Variants in LRTM3 observed in about 807,000 individuals in gnomAD.
The protein encoded by LRTM3 is leucine-rich repeat transmembrane protein 3.
the LRTM3 span, chr13:102,741,914 T>G: frequency 6.4e-7 from 1 of 1,550,534 alleles, no homozygotes; most frequent in Non-Finnish European, 8.7e-7. Flanking sequence ...TTGGGATATG[T>G]CTTCTGAAAT....
At chr13:102,755,901 ATGTGTGTGTGTG>A in the LRTM3 span, among the ~76,000 whole-genome samples, 4 of 98,842 alleles carry the variant, frequency 4.0e-5, no homozygotes, top group African/African-American at 1.0e-4. Context: ...ACACATATAT[ATGTGTGTGTGTG>A]TGTGTGTGTG....
At chr13:102,751,595 A>C in the LRTM3 span, among the ~76,000 whole-genome samples, 10 of 152,190 alleles carry the variant, frequency 6.6e-5, no homozygotes, top group Admixed American at 3.3e-4. Flanking sequence ...GAGCAAGCCT[A>C]AAATCAAAAA....
the LRTM3 span, among the ~76,000 whole-genome samples, chr13:102,756,360 G>A: frequency 6.6e-6 from 1 of 150,774 alleles, no homozygotes; most frequent in Non-Finnish European, 1.5e-5. Context: ...TTAGCCCAAG[G>A]CCATGCCATC....
chr13:102,730,924 A>G, the LRTM3 span: 1 of 1,551,348 alleles, frequency 6.4e-7, no homozygotes, highest in South Asian at 1.2e-5. Flanking sequence ...CTGTGAAACC[A>G]GGATGAATAC....
At chr13:102,747,302 A>G in the LRTM3 span, 1 of 1,549,486 alleles carries the variant, frequency 6.5e-7, no homozygotes, top group Non-Finnish European at 8.7e-7. Flanking sequence ...ACCTGCTGCA[A>G]TTTTATCTTG....
At chr13:102,736,193 G>C in the LRTM3 span, 2 of 1,548,166 alleles carry the variant, frequency 1.3e-6, no homozygotes, top group Non-Finnish European at 1.7e-6. Context: ...TCTATGGTGA[G>C]AGAGAGAAGG....
chr13:102,748,778 G>A, the LRTM3 span: 1 of 1,550,390 alleles, frequency 6.4e-7, no homozygotes, highest in Non-Finnish European at 8.7e-7. Flanking sequence ...TAAACAAGGT[G>A]CTTTTAGTTG....
chr13:102,737,437 A>C, the LRTM3 span: 2 of 1,550,594 alleles, frequency 1.3e-6, no homozygotes, highest in Non-Finnish European at 1.7e-6. Flanking sequence ...TCTTGTGTCC[A>C]TCCCTTTTCT....
chr13:102,735,850 A>C, the LRTM3 span: 1 of 1,541,718 alleles, frequency 6.5e-7, no homozygotes, highest in African/African-American at 1.4e-5. Flanking sequence ...GGTAAAATGG[A>C]GGAGGAGGGA....
chr13:102,742,400 G>C, the LRTM3 span: 2 of 1,546,544 alleles, frequency 1.3e-6, no homozygotes, highest in Non-Finnish European at 1.7e-6. Flanking sequence ...GATAGTTCCT[G>C]AGACACACAG....
At chr13:102,735,253 A>C in the LRTM3 span, 1 of 1,551,326 alleles carries the variant, frequency 6.4e-7, no homozygotes, top group Non-Finnish European at 8.7e-7. Context: ...TCATATCCGC[A>C]ACTTTTTCTC....
chr13:102,752,055 G>A, the LRTM3 span, among the ~76,000 whole-genome samples: 16 of 151,994 alleles, frequency 1.1e-4, no homozygotes, highest in East Asian at 1.9e-4. Flanking sequence ...CCTCCCTTTC[G>A]CCTTCAACAA....
At chr13:102,744,605 G>T in the LRTM3 span, 1 of 1,550,628 alleles carries the variant, frequency 6.4e-7, no homozygotes, top group Non-Finnish European at 8.7e-7. Context: ...CAAATTCCAA[G>T]ATCTGCCTTC....
At chr13:102,758,736 G>A in the LRTM3 span, 2 of 1,550,228 alleles carry the variant, frequency 1.3e-6, no homozygotes, top group Non-Finnish European at 1.7e-6. Context: ...TTCAGGAAGT[G>A]TGGGCTTCTT....
At chr13:102,746,136 CA>C in the LRTM3 span, 1 of 1,550,964 alleles carries the variant, frequency 6.4e-7, no homozygotes, top group South Asian at 1.2e-5. Flanking sequence ...GTAGTTTGTT[CA>C]AAACCTGTTT....
the LRTM3 span, chr13:102,742,848 G>A: frequency 1.9e-6 from 3 of 1,550,588 alleles, no homozygotes; most frequent in African/African-American, 2.7e-5. Context: ...AAAACAGAAT[G>A]GCCAATGTTC....
At chr13:102,745,952 T>C in the LRTM3 span, 1 of 1,551,198 alleles carries the variant, frequency 6.4e-7, no homozygotes, top group South Asian at 1.2e-5. Context: ...TTTGACAAGC[T>C]CATTATCCTT....
chr13:102,732,487 A>G, the LRTM3 span: 1 of 1,551,130 alleles, frequency 6.4e-7, no homozygotes, highest in Non-Finnish European at 8.7e-7. Flanking sequence ...TGGGAGAAAG[A>G]GGAACATATG....
the LRTM3 span, chr13:102,743,760 T>G: frequency 1.9e-5 from 30 of 1,550,478 alleles, no homozygotes; most frequent in Admixed American, 7.9e-5. Flanking sequence ...GACTCTCTAT[T>G]GATTTTATGT....
Sources: gnomAD v4.1 joint callset for allele counts (sites outside exome capture counted in the v4.1 genomes callset) on GRCh38, gnomAD v4.1.1 for gene constraint, MANE v1.5 for transcripts, NCBI Gene and HGNC (gene_info 2026-07-23, HGNC 2026-07-21) for gene names.